Variants in PCDHA6 observed in about 807,000 individuals in gnomAD.
PCDHA6 encodes the protein protocadherin alpha-6.
Under a neutral mutation model 60.3 loss-of-function variants are expected in PCDHA6, and 55 were observed. That is an observed-to-expected ratio of 0.91 (90% confidence interval 0.73 to 1.14). The LOEUF (loss-of-function observed/expected upper bound fraction) is 1.14, where lower values mean the gene tolerates loss of function less well. PCDHA6 is among the 50% of genes most tolerant of loss of function. The pLI, the probability that PCDHA6 is intolerant of heterozygous loss-of-function variation, is 0.00. For synonymous variants in PCDHA6, 652 were observed against 557.9 expected (o/e 1.17, Z -2.38); for missense variants, 1,327 against 1,256.5 (o/e 1.06, Z -0.85).
intron 1 of PCDHA6, chr5:140,834,639 G>C (rs2150223224): frequency 3.1e-6 from 5 of 1,614,100 alleles, no homozygotes; most frequent in African/African-American, 1.3e-5. Context: ...CATTTTGTTT[G>C]TGAATTCTCG....
chr5:140,958,295 C>A (rs1405336220), intron 1 of PCDHA6, among the ~76,000 whole-genome samples: 1 of 151,884 alleles, frequency 6.6e-6, no homozygotes, highest in African/African-American at 2.4e-5. Context: ...TATTATTGAA[C>A]TTAATTAAAA....
intron 1 of PCDHA6, chr5:140,875,959 G>A: frequency 1.2e-6 from 2 of 1,614,070 alleles, no homozygotes; most frequent in South Asian, 1.1e-5. Flanking sequence ...TGCGGATATC[G>A]GCGTAAACTC....
chr5:140,879,425 T>G (rs547741272), intron 1 of PCDHA6, among the ~76,000 whole-genome samples: 1 of 152,320 alleles, frequency 6.6e-6, no homozygotes, highest in East Asian at 1.9e-4. Flanking sequence ...GGAATGGAGA[T>G]GAACATTTAA....
intron 1 of PCDHA6, chr5:140,930,452 G>A (rs2086853363): frequency 6.6e-6 from 1 of 151,826 alleles, no homozygotes; most frequent in Non-Finnish European, 1.5e-5. Flanking sequence ...CAAACTCCTA[G>A]CCTCAAGTGA....
In PCDHA6 at chr5:140,882,320, C is replaced by T. The variant is rs374687530; in HGVS notation, c.2394+51835C>T. The T allele has an allele frequency of 2.8e-5, 45 of 1,614,182 alleles. No homozygotes were observed. The African/African-American group carries it at 5.6e-4, about 20-fold the overall frequency. On this transcript the variant is annotated intron_variant, in intron 1 of 3. Coordinates refer to ENST00000529310, the MANE Select transcript of PCDHA6 (RefSeq NM_018909.4). ...AAGACCGCGGCAACTACTGCTCTGG[C>T]TTCTGATCCTCGCAGCCTGGGAGAC... is the stretch of plus-strand genomic sequence containing the variant.
In PCDHA6 at chr5:140,830,077, G is replaced by T. The variant is rs2150180808; in HGVS notation, c.1986G>T (p.Thr662=). The T allele has an allele frequency of 8.1e-6, 13 of 1,613,546 alleles. No homozygotes were observed. In the South Asian group the frequency reaches 1.2e-4, roughly 15 times the overall value. Residue 662 remains threonine (T), a synonymous_variant, in exon 1 of 4, where the codon ACG becomes ACT. Transcript: ENST00000529310. Reference sequence around the variant, plus strand: ...ACGGTGAGCCGGCGCTGACAGCGACGGCCACGGTTCTGGTGTCGCTGGTGG... The same window carrying T: ...ACGGTGAGCCGGCGCTGACAGCGACTGCCACGGTTCTGGTGTCGCTGGTGG... ...KDHGEPALTA[T]ATVLVSLVES... is the part of the protein sequence containing the mutation.
chr5:141,004,604 C>A (rs1282201587), intron 3 of PCDHA6, among the ~76,000 whole-genome samples: 1 of 152,176 alleles, frequency 6.6e-6, no homozygotes, highest in African/African-American at 2.4e-5. Context: ...GTGCTTAGGC[C>A]TCATGCAGAG....
At chr5:140,976,894 CAGT>C (rs1199753516) in intron 1 of PCDHA6, among the ~76,000 whole-genome samples, 1 of 152,132 alleles carries the variant, frequency 6.6e-6, no homozygotes, top group African/African-American at 2.4e-5. Context: ...ATACATGCAA[CAGT>C]ATGTAATAAA....
At position 140,837,471 on chromosome 5, in the gene PCDHA6, C is replaced by T. The variant is rs2150275751; in HGVS notation, c.2394+6986C>T. Among the ~76,000 whole-genome samples, 442 of 151,506 alleles carry T rather than the reference C, an allele frequency of 2.9e-3. 6 individuals are homozygous for T. The highest frequency in any genetic ancestry group is 0.01 in the African/African-American group (420 of 41,194). On this transcript the variant is annotated intron_variant, in intron 1 of 3. Coordinates refer to ENST00000529310, the MANE Select transcript of PCDHA6 (RefSeq NM_018909.4). ...TAAAAAATCTCCTTGCCTCCTCAAA[C>T]CCCAAACCATTTACTTTACCTTTCT... is the stretch of plus-strand genomic sequence containing the variant.
intron 1 of PCDHA6, chr5:140,926,696 C>A: frequency 1.3e-6 from 1 of 771,792 alleles, no homozygotes; most frequent in Non-Finnish European, 1.9e-6. Context: ...GCAAGCCCGG[C>A]TCCCAGCTGG....
At position 140,857,302 on chromosome 5, in the gene PCDHA6, G is replaced by C. The variant is rs782029015; in HGVS notation, c.2394+26817G>C. 5.0e-6 allele frequency: 8 copies of C among 1,598,652 alleles called. 1 individual carries two copies. The highest frequency in any genetic ancestry group is 3.4e-5 in the Admixed American group (2 of 59,338). On this transcript the variant is annotated intron_variant, in intron 1 of 3. Transcript: ENST00000529310. ...GCGCTCTGGACCGCGAGAGGGTGTCGGCCTATGAGCTGGTGGTGACCGCGC... is the reference window on the plus strand; with the variant it reads ...GCGCTCTGGACCGCGAGAGGGTGTCCGCCTATGAGCTGGTGGTGACCGCGC...
chr5:140,829,647 C>CGGAGA lies in PCDHA6; in HGVS notation c.1557_1558insGAGAG (p.Leu520GlufsTer11). 1 of 1,612,324 alleles carries CGGAGA rather than the reference C, an allele frequency of 6.2e-7. No homozygotes were observed. The highest frequency in any genetic ancestry group is 8.5e-7 in the Non-Finnish European group (1 of 1,179,806). On this transcript the variant is annotated frameshift_variant, in exon 1 of 4. Coordinates refer to ENST00000529310, the MANE Select transcript of PCDHA6 (RefSeq NM_018909.4). LOFTEE classifies it high-confidence loss of function. ...CACGCGGAGAGCGGCAAGGTGTACG[C>CGGAGA]GCTGCAGCCGCTGGACCACGAGGAG... is the stretch of plus-strand genomic sequence containing the variant.
rs2150176322 is a variant in PCDHA6, at chr5:140,829,855, C to T, written c.1764C>T (p.Gly588=). 3 of 1,613,928 alleles carry T rather than the reference C, an allele frequency of 1.9e-6. No individual in the cohort carries two copies. In the South Asian group the frequency reaches 3.3e-5, roughly 18 times the overall value. ...TGGTGCCGCGGTCACTGGGTGCAGG[C>T]CAAGTGGTGGCGAAGGTGCGCGCAG... The part of the protein sequence containing the change: ...SELVPRSLGA[G]QVVAKVRAVD... Residue 588 remains glycine (G), a synonymous_variant, in exon 1 of 4, where the codon GGC becomes GGT. Transcript: ENST00000529310.
chr5:140,987,936 T>C lies in PCDHA6; in HGVS notation c.2542+5373T>C, dbSNP rs80117115. Among the ~76,000 whole-genome samples the C allele has an allele frequency of 7.9e-3, 1,205 of 152,348 alleles. 20 individuals are homozygous for C. Among genetic ancestry groups the C allele is most frequent in the African/African-American group, 0.027 (1,136 of 41,570 alleles). On this transcript the variant is annotated intron_variant, in intron 3 of 3. Coordinates refer to ENST00000529310, the MANE Select transcript of PCDHA6 (RefSeq NM_018909.4). ...TATTCTTAATTGTCTCAAGGATTCT[T>C]ACCTGTCTGACAAAACCAACTCCCC...
intron 1 of PCDHA6, chr5:140,871,048 C>G (rs1472650820): frequency 6.2e-7 from 1 of 1,613,230 alleles, no homozygotes; most frequent in Non-Finnish European, 8.5e-7. Flanking sequence ...ACTTCTAGTA[C>G]TGGTGAAGGA....
Position 140,853,680 on chromosome 5 carries a change from C to G in PCDHA6, c.2394+23195C>G, listed in dbSNP as rs142269623. 1,623 of 988,078 alleles carry G rather than the reference C, an allele frequency of 1.6e-3. 141 individuals are homozygous for G. The highest frequency in any genetic ancestry group is 5.6e-3 in the South Asian group (118 of 21,118). 61.2% of individuals were successfully genotyped at this position (988,078 alleles called of 1,614,324 possible). A position where few individuals can be genotyped will look rare whatever the true frequency, so the allele number is the denominator to read the frequency against. On this transcript the variant is annotated intron_variant, in intron 1 of 3. Transcript: ENST00000529310. Reference sequence around the variant, plus strand: ...AGACAAATTGGGGCCTATGGTCAACCTATCCTTAGACCTGCTAACGCATTA... The same window carrying G: ...AGACAAATTGGGGCCTATGGTCAACGTATCCTTAGACCTGCTAACGCATTA...
intron 1 of PCDHA6, among the ~76,000 whole-genome samples, chr5:140,907,507 T>C (rs1358466312): frequency 2.0e-5 from 3 of 152,230 alleles, no homozygotes; most frequent in Admixed American, 6.5e-5. Context: ...TAAGTGTCTA[T>C]TCCAGTGAGG....
chr5:140,849,843 G>C (rs2150453087), intron 1 of PCDHA6: 3 of 1,598,500 alleles, frequency 1.9e-6, no homozygotes, highest in Non-Finnish European at 1.7e-6. Flanking sequence ...CGACGTGAAC[G>C]ACAACGCACC....
intron 1 of PCDHA6, among the ~76,000 whole-genome samples, chr5:140,912,042 A>G (rs782622902): frequency 6.6e-6 from 1 of 152,216 alleles, no homozygotes; most frequent in African/African-American, 2.4e-5. Flanking sequence ...CCAAGTCCCA[A>G]AGCTGAAGAA....
Sources: gnomAD v4.1 joint callset for allele counts (sites outside exome capture counted in the v4.1 genomes callset) on GRCh38, gnomAD v4.1.1 for gene constraint, MANE v1.5 for transcripts, NCBI Gene and HGNC (gene_info 2026-07-23, HGNC 2026-07-21) for gene names.